The following CPEB3 variants were observed in gnomAD, a reference collection of about 807,000 sequenced individuals.
CPEB3 encodes the protein cytoplasmic polyadenylation element binding protein 3, also known as cytoplasmic polyadenylation element-binding protein 3.
A neutral mutation model predicts 67.2 loss-of-function variants in CPEB3; 20 were observed. That is an observed-to-expected ratio of 0.30 (90% CI 0.21 to 0.43). CPEB3 has a LOEUF of 0.43. Ranked by LOEUF, CPEB3 falls within the 20% of genes least tolerant of loss-of-function variation. CPEB3 has a pLI of 1.00. For missense variants in CPEB3, 746 were observed against 968.6 expected (o/e 0.77, Z 3.05); for synonymous variants, 376 against 393.1 (o/e 0.96, Z 0.51).
At chr10:92,217,639 G>A (rs1401710972) in intron 2 of CPEB3, among the ~76,000 whole-genome samples, 2 of 152,104 alleles carry the variant, frequency 1.3e-5, no homozygotes, top group Admixed American at 6.5e-5. Flanking sequence ...GCACATGCCT[G>A]TAATCCCAGC....
At chr10:92,052,823 A>G (rs1047891770) in intron 9 of CPEB3, among the ~76,000 whole-genome samples, 1 of 152,236 alleles carries the variant, frequency 6.6e-6, no homozygotes, top group Admixed American at 6.5e-5. Flanking sequence ...CATGAGCTGA[A>G]TCCTGAAAGC....
chr10:92,204,528 C>G (rs1474527141), intron 2 of CPEB3, among the ~76,000 whole-genome samples: 1 of 152,112 alleles, frequency 6.6e-6, no homozygotes, highest in African/African-American at 2.4e-5. Context: ...GGAAAGGTCA[C>G]CAATGTACAT....
chr10:92,238,499 A>G (rs1851647493), intron 2 of CPEB3, among the ~76,000 whole-genome samples: 1 of 152,150 alleles, frequency 6.6e-6, no homozygotes, highest in Non-Finnish European at 1.5e-5. Flanking sequence ...AAATGATGTA[A>G]TTGATCTGTA....
At chr10:92,202,181 C>T (rs950952072) in intron 2 of CPEB3, among the ~76,000 whole-genome samples, 1 of 152,120 alleles carries the variant, frequency 6.6e-6, no homozygotes, top group African/African-American at 2.4e-5. Flanking sequence ...CAAAATGGCA[C>T]AGCCACTTTG....
chr10:92,269,706 C>T (rs1286653967), intron 1 of CPEB3, among the ~76,000 whole-genome samples: 1 of 152,056 alleles, frequency 6.6e-6, no homozygotes, highest in Non-Finnish European at 1.5e-5. Context: ...TACAGGCATG[C>T]ACCACTGTGC....
intron 1 of CPEB3, among the ~76,000 whole-genome samples, chr10:92,282,598 AT>A (rs1213177120): frequency 6.6e-6 from 1 of 152,132 alleles, no homozygotes; most frequent in African/African-American, 2.4e-5. Flanking sequence ...AAGCAGGAGA[AT>A]TGCTTGAACA....
rs552227925 is a variant in CPEB3 at position 92,155,482 on chromosome 10, A to T, written c.1223-10397T>A. 2.6e-5 allele frequency among the ~76,000 whole-genome samples: 4 copies of T among 152,368 alleles called. No homozygotes were observed. In the South Asian group the frequency reaches 8.3e-4, roughly 32 times the overall value. ...CTCAAATGAATACATCTCAGAGAAT[A>T]AGTGTTCTAGATATGCGATCTAGAC... On this transcript the variant is annotated intron_variant, in intron 4 of 9. Coordinates refer to ENST00000265997, the MANE Select transcript of CPEB3 (RefSeq NM_014912.5).
chr10:92,254,314 A>C (rs909283399), intron 1 of CPEB3, among the ~76,000 whole-genome samples: 2 of 152,180 alleles, frequency 1.3e-5, no homozygotes, highest in Non-Finnish European at 2.9e-5. Flanking sequence ...ATTATTCAAT[A>C]TTCCCTAGGT....
At chr10:92,208,987 T>C (rs1849933892) in intron 2 of CPEB3, among the ~76,000 whole-genome samples, 1 of 152,200 alleles carries the variant, frequency 6.6e-6, no homozygotes, top group Non-Finnish European at 1.5e-5. Flanking sequence ...AATCATCATC[T>C]ATTAAGTAGA....
intron 6 of CPEB3, among the ~76,000 whole-genome samples, chr10:92,114,710 T>C (rs1021630147): frequency 2.0e-5 from 3 of 152,224 alleles, no homozygotes; most frequent in African/African-American, 7.2e-5. Flanking sequence ...AAGCGACTTG[T>C]TCAAGATCAC....
At chr10:92,290,549 G>T (rs989126403) in intron 1 of CPEB3, among the ~76,000 whole-genome samples, 11 of 152,180 alleles carry the variant, frequency 7.2e-5, no homozygotes, top group African/African-American at 2.7e-4. Context: ...TTCCTGGAGA[G>T]GGAGAGAATC....
intron 6 of CPEB3, among the ~76,000 whole-genome samples, chr10:92,120,931 C>T (rs1280123648): frequency 6.6e-6 from 1 of 151,998 alleles, no homozygotes; most frequent in Non-Finnish European, 1.5e-5. Context: ...AAACTCCTGA[C>T]CTCAGGTGAT....
At chr10:92,147,962 T>C (rs149862514) in intron 4 of CPEB3, among the ~76,000 whole-genome samples, 1 of 152,266 alleles carries the variant, frequency 6.6e-6, no homozygotes, top group African/African-American at 2.4e-5. Context: ...CCCTTTCTCT[T>C]ATACTCCACG....
At chr10:92,180,228 A>C (rs1404752304) in intron 4 of CPEB3, among the ~76,000 whole-genome samples, 1 of 152,184 alleles carries the variant, frequency 6.6e-6, no homozygotes, top group Non-Finnish European at 1.5e-5. Context: ...AACTTGATCA[A>C]ACAATTATAC....
At chr10:92,196,819 C>G (rs1849262317) in intron 2 of CPEB3, among the ~76,000 whole-genome samples, 1 of 151,188 alleles carries the variant, frequency 6.6e-6, no homozygotes, top group South Asian at 2.1e-4. Flanking sequence ...GTAATCCCAG[C>G]TACTTCAGAG....
At chr10:92,222,033 G>A (rs181346186) in intron 2 of CPEB3, among the ~76,000 whole-genome samples, 10 of 152,120 alleles carry the variant, frequency 6.6e-5, no homozygotes, top group African/African-American at 1.4e-4. Flanking sequence ...CATCGAAGAC[G>A]TTCACTTACC....
chr10:92,080,554 C>A (rs945609914), intron 9 of CPEB3, among the ~76,000 whole-genome samples: 4 of 151,696 alleles, frequency 2.6e-5, no homozygotes, highest in Non-Finnish European at 5.9e-5. Context: ...GGAAAAGCAG[C>A]TATTTGACTC....
chr10:92,076,822 AGAG>A (rs1332440933), intron 9 of CPEB3, among the ~76,000 whole-genome samples: 3 of 140,094 alleles, frequency 2.1e-5, no homozygotes, highest in Non-Finnish European at 3.2e-5. Context: ...GAGGGGAGAA[AGAG>A]GAGGAGGAGG....
chr10:92,059,107 G>A (rs185760108), intron 9 of CPEB3, among the ~76,000 whole-genome samples: 57 of 151,934 alleles, frequency 3.8e-4, no homozygotes, highest in South Asian at 1.0e-3. Context: ...CAGGTGGATC[G>A]CTTGAGGTCA....
Sources: gnomAD v4.1 joint callset for allele counts (sites outside exome capture counted in the v4.1 genomes callset) on GRCh38, gnomAD v4.1.1 for gene constraint, MANE v1.5 for transcripts, NCBI Gene and HGNC (gene_info 2026-07-23, HGNC 2026-07-21) for gene names.